FAM228B: variants seen among roughly 807,000 people sequenced by gnomAD.
FAM228B encodes the protein protein FAM228B.
Under a neutral mutation model 42.6 loss-of-function variants are expected in FAM228B, and 38 were observed. That is an observed-to-expected ratio of 0.89 (90% CI 0.69 to 1.17). The LOEUF (loss-of-function observed/expected upper bound fraction) is 1.17. Among genes scored for constraint, FAM228B ranks in the 50% most tolerant of loss-of-function variants. The pLI is 0.00. For synonymous variants in FAM228B, 109 were observed against 122.3 expected, an observed-to-expected ratio of 0.89 and a Z score of 0.72; for missense variants, 344 against 367.3, an observed-to-expected ratio of 0.94 and a Z score of 0.52.
At chr2:24,122,427 C>T, upstream of FAM228B, 3 of 1,610,736 alleles carry the variant, frequency 1.9e-6, no homozygotes, top group Non-Finnish European at 2.5e-6. Context: ...ACATTGAAAC[C>T]TGGTGATGCT....
upstream of FAM228B, among the ~76,000 whole-genome samples, chr2:24,120,288 A>AC (rs1374520004): frequency 2.6e-5 from 4 of 151,316 alleles, no homozygotes; most frequent in African/African-American, 7.3e-5. Context: ...AACAACAACA[A>AC]AACAAAACAA....
intron 2 of FAM228B, among the ~76,000 whole-genome samples, chr2:24,092,685 T>C (rs1665416096): frequency 6.6e-6 from 1 of 152,132 alleles, no homozygotes; most frequent in South Asian, 2.1e-4. Context: ...ATTATACAGA[T>C]GTATGTACAG....
intron 3 of FAM228B, among the ~76,000 whole-genome samples, chr2:24,109,847 A>C (rs1272379955): frequency 5.3e-5 from 8 of 152,248 alleles, no homozygotes; most frequent in Non-Finnish European, 1.0e-4. Flanking sequence ...AGTGTAAATT[A>C]GTTCAGCCAT....
chr2:24,155,504 C>CTTATATATATAT lies in FAM228B; in HGVS notation c.687-6002_687-6001insTTATATATATAT, dbSNP rs1216710906. On this transcript the variant is annotated intron_variant, in intron 7 of 10. Coordinates refer to ENST00000615575, the MANE Select transcript of FAM228B (RefSeq NM_001145710.2). ...GTGCCAGAAGTCATTGAAGACCATG[C>CTTATATATATAT]ATATATATATATATATATATATATA... is the stretch of plus-strand genomic sequence containing the variant. Among the ~76,000 whole-genome samples the CTTATATATATAT allele has an allele frequency of 7.5e-4, 27 of 35,910 alleles. 4 individuals are homozygous for CTTATATATATAT. In the East Asian group the frequency reaches 7.7e-3, roughly 10 times the overall value. The allele number at this position is 35,910 out of a possible 152,430, so 23.6% of individuals were successfully genotyped here.
chr2:24,169,461 G>T lies in FAM228B; in HGVS notation c.*120G>T. On this transcript the variant is annotated 3_prime_UTR_variant, in exon 11 of 11. Transcript: ENST00000615575. This position sits in a 1 kb window ranked among gnomAD's most constrained non-coding sequence, Gnocchi z 4.2. ...ATCTGCTCACAGGAATCAGGGTGAA[G>T]GCCAAGGACGGCACTCAAGAATTGT... is the stretch of plus-strand genomic sequence containing the variant. 1 of 396,066 alleles carries T rather than the reference G, an allele frequency of 2.5e-6. No individual in the cohort carries two copies. The highest frequency in any genetic ancestry group is 5.8e-6 in the Non-Finnish European group (1 of 172,232). The allele number at this position is 396,066 out of a possible 1,614,324, so 24.5% of individuals were successfully genotyped here.
At chr2:24,079,318 A>C (rs777016193) in intron 1 of FAM228B, 17 of 989,882 alleles carry the variant, frequency 1.7e-5, no homozygotes, top group Admixed American at 2.7e-5. Flanking sequence ...TTATCTTCAG[A>C]GGGGGAGGTT....
intron 9 of FAM228B, chr2:24,166,452 G>A (rs2151033792): frequency 6.6e-6 from 1 of 152,040 alleles, no homozygotes; most frequent in East Asian, 1.9e-4. Context: ...CTTTTCTTTT[G>A]TGTGTTTAGC....
intron 2 of FAM228B, among the ~76,000 whole-genome samples, chr2:24,091,182 G>A (rs1573731003): frequency 1.3e-5 from 2 of 152,326 alleles, no homozygotes; most frequent in African/African-American, 2.4e-5. Context: ...CATGGCTCAC[G>A]CCTGTAATCC....
chr2:24,093,006 C>G (rs1447334799), intron 2 of FAM228B, among the ~76,000 whole-genome samples: 2 of 151,662 alleles, frequency 1.3e-5, no homozygotes, highest in Admixed American at 1.3e-4. Flanking sequence ...TCTTCCTGGC[C>G]ACCCACCACC....
chr2:24,161,498 TGTTAAAG>T lies in FAM228B; in HGVS notation c.689_695del. 6.9e-7 allele frequency: 1 copy of T among 1,442,320 alleles called. No individual in the cohort carries two copies. The highest frequency in any genetic ancestry group is 9.5e-7 in the Non-Finnish European group (1 of 1,052,810). 89.3% of individuals were successfully genotyped at this position (1,442,320 alleles called of 1,614,324 possible). ...AAAAACCTTCTCACACTTGTTATCT[TGTTAAAG>T]GTTAAAGGTGAAAGTGAATTTTAAT... On this transcript the variant is annotated splice_acceptor_variant and splice_polypyrimidine_tract_variant and intron_variant, in intron 7 of 10. Coordinates refer to ENST00000615575, the MANE Select transcript of FAM228B (RefSeq NM_001145710.2). LOFTEE classifies it high-confidence loss of function.
chr2:24,127,454 A>G (rs535504087), intron 2 of FAM228B, among the ~76,000 whole-genome samples: 7 of 152,188 alleles, frequency 4.6e-5, no homozygotes, highest in African/African-American at 1.7e-4. Context: ...TGGGTATGTA[A>G]CCTAGGAGTG....
intron 3 of FAM228B, among the ~76,000 whole-genome samples, chr2:24,136,749 G>A (rs1666601626): frequency 6.6e-6 from 1 of 152,134 alleles, no homozygotes; most frequent in African/African-American, 2.4e-5. Flanking sequence ...TTTTTTCAGT[G>A]TATGCGATAT....
chr2:24,093,537 T>A (rs1247640905), intron 2 of FAM228B, among the ~76,000 whole-genome samples: 3 of 152,230 alleles, frequency 2.0e-5, no homozygotes, highest in Non-Finnish European at 2.9e-5. Flanking sequence ...ATATTTTCTT[T>A]ATCCACTCTA....
chr2:24,131,109 G>T (rs1055360618), intron 2 of FAM228B, among the ~76,000 whole-genome samples: 1 of 152,090 alleles, frequency 6.6e-6, no homozygotes, highest in African/African-American at 2.4e-5. Context: ...GCTTGTTTTT[G>T]TCTGGTTTGT....
intron 3 of FAM228B, among the ~76,000 whole-genome samples, chr2:24,101,678 T>C (rs1391666793): frequency 6.6e-6 from 1 of 152,060 alleles, no homozygotes; most frequent in African/African-American, 2.4e-5. Context: ...TATTATTTTA[T>C]TTTATTTTTT....
At chr2:24,120,294 A>C (rs552226373), upstream of FAM228B, among the ~76,000 whole-genome samples, 1 of 151,996 alleles carries the variant, frequency 6.6e-6, no homozygotes, top group East Asian at 1.9e-4. Flanking sequence ...AACAAAACAA[A>C]ACAAAACAAA....
chr2:24,091,988 T>C (rs1263669924), intron 2 of FAM228B, among the ~76,000 whole-genome samples: 1 of 151,854 alleles, frequency 6.6e-6, no homozygotes, highest in African/African-American at 2.4e-5. Flanking sequence ...TCCCAGCACT[T>C]TGGGAGGCCG....
chr2:24,150,034 CTTTGTGTCTTATT>C (rs879344146), intron 7 of FAM228B, among the ~76,000 whole-genome samples: 22 of 152,136 alleles, frequency 1.4e-4, no homozygotes, highest in Non-Finnish European at 2.9e-4. Context: ...TGTTGTTCCT[CTTTGTGTCTTATT>C]ATACTATTTT....
chr2:24,117,499 A>G (rs1256552851), intron 3 of FAM228B, among the ~76,000 whole-genome samples: 2 of 150,712 alleles, frequency 1.3e-5, no homozygotes, highest in African/African-American at 4.9e-5. Context: ...CTGGAGTGCA[A>G]TGGCGCTATT....
Sources: allele counts gnomAD v4.1 joint callset (sites outside exome capture counted in the v4.1 genomes callset), GRCh38; gene constraint gnomAD v4.1.1; non-coding constraint Gnocchi (gnomAD v3.1); transcripts MANE v1.5; gene names NCBI Gene and HGNC (gene_info 2026-07-23, HGNC 2026-07-21).